HMBOX1: variants seen among roughly 807,000 people sequenced by gnomAD.
The protein encoded by HMBOX1 is homeobox-containing protein 1.
HMBOX1 carries 14 observed loss-of-function variants against 54.5 expected under a neutral mutation model. The observed-to-expected ratio is 0.26, with a 90% confidence interval of 0.17 to 0.40. HMBOX1 has a LOEUF of 0.40. Among genes scored for constraint, HMBOX1 ranks in the 10% least tolerant of loss-of-function variants. HMBOX1 has a pLI of 1.00. For missense variants in HMBOX1, 332 were observed against 514.4 expected (o/e 0.65, Z 3.43); for synonymous variants, 160 against 181.0 (o/e 0.88, Z 0.93).
chr8:29,012,686 T>G (rs1168646333), intron 5 of HMBOX1, among the ~76,000 whole-genome samples: 1 of 152,178 alleles, frequency 6.6e-6, no homozygotes, highest in African/African-American at 2.4e-5. Context: ...TAATGTGTCT[T>G]TCTAAATTTC....
At chr8:28,909,903 A>C (rs898125605) in intron 1 of HMBOX1, among the ~76,000 whole-genome samples, 2 of 151,654 alleles carry the variant, frequency 1.3e-5, no homozygotes, top group Non-Finnish European at 2.9e-5. Context: ...TTCATCACCC[A>C]GGCTGTAGTA....
intron 1 of HMBOX1, among the ~76,000 whole-genome samples, chr8:28,937,012 G>GA (rs1284533449): frequency 6.6e-6 from 1 of 152,104 alleles, no homozygotes; most frequent in Non-Finnish European, 1.5e-5. Context: ...AAGAGTGAAA[G>GA]AAAAAAATCA....
chr8:29,037,119 C>A (rs1586639365), intron 6 of HMBOX1, among the ~76,000 whole-genome samples: 1 of 152,150 alleles, frequency 6.6e-6, no homozygotes, highest in African/African-American at 2.4e-5. Context: ...CTTACAGAAA[C>A]TCATGTATAT....
At chr8:29,039,673 A>G (rs1804535998) in intron 6 of HMBOX1, among the ~76,000 whole-genome samples, 1 of 152,124 alleles carries the variant, frequency 6.6e-6, no homozygotes, top group South Asian at 2.1e-4. Flanking sequence ...GATAGAAACC[A>G]TAGCCATCTT....
At chr8:28,997,758 C>G (rs1333333605) in intron 4 of HMBOX1, among the ~76,000 whole-genome samples, 1 of 152,030 alleles carries the variant, frequency 6.6e-6, no homozygotes, top group Non-Finnish European at 1.5e-5. Context: ...CCTATGTTGC[C>G]CAGGCTGGTC....
intron 1 of HMBOX1, among the ~76,000 whole-genome samples, chr8:28,927,318 A>C (rs181500458): frequency 6.6e-5 from 10 of 152,288 alleles, no homozygotes; most frequent in Admixed American, 5.9e-4. Flanking sequence ...TAGTAAACTT[A>C]TCACTTTTAG....
chr8:28,974,999 G>A (rs1467175882), intron 3 of HMBOX1, among the ~76,000 whole-genome samples: 2 of 152,178 alleles, frequency 1.3e-5, no homozygotes, highest in Admixed American at 6.5e-5. Flanking sequence ...ATGTCATTTC[G>A]AGCTACTATA....
chr8:28,972,328 T>G (rs908163425), intron 3 of HMBOX1, among the ~76,000 whole-genome samples: 5 of 152,166 alleles, frequency 3.3e-5, no homozygotes, highest in Non-Finnish European at 7.3e-5. Context: ...TTCTCCTGCT[T>G]TAGCCTCCTG....
At position 28,918,596 on chromosome 8, in the gene HMBOX1, C is replaced by T. The variant is rs375780693; in HGVS notation, c.-58+27918C>T. On this transcript the variant is annotated intron_variant, in intron 1 of 9. Transcript: ENST00000287701. ...GGACATAGACTTGTTTATAGTATTA[C>T]TTGGTACTTTTAACCTCTATAGGGT... 7.9e-5 allele frequency among the ~76,000 whole-genome samples: 12 copies of T among 152,298 alleles called. No homozygotes were observed. In the South Asian group the frequency reaches 2.3e-3, roughly 29 times the overall value.
intron 1 of HMBOX1, among the ~76,000 whole-genome samples, chr8:28,945,889 A>G (rs1434618249): frequency 6.6e-6 from 1 of 151,972 alleles, no homozygotes; most frequent in Non-Finnish European, 1.5e-5. Context: ...TATAGGTCAA[A>G]GAATTTTACT....
intron 1 of HMBOX1, among the ~76,000 whole-genome samples, chr8:28,895,544 G>A (rs1182372745): frequency 3.3e-5 from 5 of 152,050 alleles, no homozygotes; most frequent in African/African-American, 1.2e-4. Context: ...GTATGGTGGT[G>A]CATGCCTGTA....
intron 2 of HMBOX1, among the ~76,000 whole-genome samples, chr8:28,966,356 A>G (rs1459618417): frequency 1.3e-5 from 2 of 152,218 alleles, no homozygotes; most frequent in Non-Finnish European, 2.9e-5. Context: ...GTCTGTTATT[A>G]CAGTGGTGAA....
chr8:28,978,356 CTTCT>C (rs1235705120), intron 3 of HMBOX1, among the ~76,000 whole-genome samples: 7 of 152,180 alleles, frequency 4.6e-5, no homozygotes, highest in Admixed American at 2.6e-4. Context: ...AGAGTTTGTG[CTTCT>C]TTCACAAAAC....
chr8:28,931,911 A>G (rs997827875), intron 1 of HMBOX1, among the ~76,000 whole-genome samples: 1 of 152,140 alleles, frequency 6.6e-6, no homozygotes, highest in Admixed American at 6.5e-5. Context: ...ACTGTGTAAG[A>G]TCCTGGGATA....
intron 1 of HMBOX1, among the ~76,000 whole-genome samples, chr8:28,922,074 T>A (rs1563392176): frequency 1.3e-5 from 2 of 152,232 alleles, no homozygotes; most frequent in Non-Finnish European, 2.9e-5. Flanking sequence ...TCTGTATATC[T>A]GTTGGTCCCA....
In HMBOX1 at chr8:29,051,659, A is replaced by G. The variant is rs1021517823; in HGVS notation, c.*504A>G. Reference sequence around the variant, plus strand: ...AGAATCCCCACCTCAGCGTGAGGATAATTGATTTCCAGCTGCAATAAGCCG... The same window carrying G: ...AGAATCCCCACCTCAGCGTGAGGATGATTGATTTCCAGCTGCAATAAGCCG... On this transcript the variant is annotated 3_prime_UTR_variant, in exon 10 of 10. Coordinates refer to ENST00000287701, the MANE Select transcript of HMBOX1 (RefSeq NM_001135726.3). 1.4e-6 allele frequency: 1 copy of G among 700,992 alleles called. No individual in the cohort carries two copies. Among genetic ancestry groups the G allele is most frequent in the Non-Finnish European group, 2.6e-6 (1 of 383,384 alleles). The allele number at this position is 700,992 out of a possible 1,614,324, so 43.4% of individuals were successfully genotyped here.
At chr8:28,908,525 C>T (rs576310902) in intron 1 of HMBOX1, among the ~76,000 whole-genome samples, 3 of 152,274 alleles carry the variant, frequency 2.0e-5, no homozygotes, top group East Asian at 1.9e-4. Flanking sequence ...GAGGCCAAGG[C>T]GGGCAGATCA....
At chr8:29,015,786 T>C (rs952809167) in intron 5 of HMBOX1, among the ~76,000 whole-genome samples, 3 of 152,176 alleles carry the variant, frequency 2.0e-5, no homozygotes, top group Non-Finnish European at 2.9e-5. Flanking sequence ...CAGTAAATAT[T>C]TTAGGTTTTG....
At chr8:29,046,785 A>C (rs189448447) in intron 7 of HMBOX1, among the ~76,000 whole-genome samples, 36 of 152,222 alleles carry the variant, frequency 2.4e-4, no homozygotes, top group African/African-American at 8.2e-4. Context: ...GTTGGAGGCT[A>C]CCCTGGGCAA....
Sources: allele counts gnomAD v4.1 joint callset (sites outside exome capture counted in the v4.1 genomes callset), GRCh38; gene constraint gnomAD v4.1.1; transcripts MANE v1.5; gene names NCBI Gene and HGNC (gene_info 2026-07-23, HGNC 2026-07-21).